DIP2A: variants seen among roughly 807,000 people sequenced by gnomAD.
DIP2A encodes the protein DIP2 acetate--CoA ligase A.
A neutral mutation model predicts 177.4 loss-of-function variants in DIP2A; 85 were observed. The ratio of observed to expected loss-of-function variants is 0.48; its 90% CI spans 0.40 to 0.57. DIP2A has a LOEUF of 0.57. Ranked by LOEUF, DIP2A falls within the 20% of genes least tolerant of loss-of-function variation. DIP2A has a pLI of 0.00. For missense variants in DIP2A, 1,791 were observed against 2,100.2 expected, an observed-to-expected ratio of 0.85 and a Z score of 2.88; for synonymous variants, 886 against 881.8, an observed-to-expected ratio of 1.00 and a Z score of -0.08.
At chr21:46,548,289 G>T (rs951798863) in intron 21 of DIP2A, among the ~76,000 whole-genome samples, 1 of 152,136 alleles carries the variant, frequency 6.6e-6, no homozygotes, top group Non-Finnish European at 1.5e-5. Context: ...GGGACACATT[G>T]GGCAGGTGTC....
intron 1 of DIP2A, among the ~76,000 whole-genome samples, chr21:46,468,965 T>G (rs2055111751): frequency 6.6e-6 from 1 of 152,226 alleles, no homozygotes; most frequent in Non-Finnish European, 1.5e-5. Flanking sequence ...ACCGCTTAAG[T>G]TTAAACTTCA....
intron 8 of DIP2A, among the ~76,000 whole-genome samples, chr21:46,517,827 G>T (rs1285385139): frequency 6.6e-6 from 1 of 152,196 alleles, no homozygotes; most frequent in Non-Finnish European, 1.5e-5. Context: ...CCCCCGTGGG[G>T]GCTGGAATCC....
intron 20 of DIP2A, chr21:46,546,303 G>T: frequency 1.9e-6 from 2 of 1,070,580 alleles, no homozygotes; most frequent in Non-Finnish European, 2.3e-6. Flanking sequence ...GCTTCTATTT[G>T]TAACATCTTG....
chr21:46,538,754 T>C, intron 16 of DIP2A, 152 bp downstream of exon 16: 1 of 1,173,480 alleles, frequency 8.5e-7, no homozygotes, highest in South Asian at 1.6e-5. Context: ...CGGAACATCT[T>C]GGTGATTCAC....
chr21:46,492,712 C>T (rs2057086729), intron 3 of DIP2A, among the ~76,000 whole-genome samples: 1 of 152,150 alleles, frequency 6.6e-6, no homozygotes, highest in African/African-American at 2.4e-5. Context: ...CCTGTAATCC[C>T]AGCACTTTGG....
intron 25 of DIP2A, 46 bp from the exon 26 acceptor site, chr21:46,554,123 C>T (rs763744333): frequency 3.8e-6 from 6 of 1,592,838 alleles, no homozygotes; most frequent in South Asian, 3.4e-5. Flanking sequence ...GAACAGCCCA[C>T]CTGCACGCAC....
chr21:46,468,126 C>G (rs2055007301), intron 1 of DIP2A, among the ~76,000 whole-genome samples: 2 of 151,864 alleles, frequency 1.3e-5, no homozygotes, highest in South Asian at 4.2e-4. Flanking sequence ...ATTAGCCTGG[C>G]ATGGGGGCAA....
At chr21:46,564,875 A>G (rs1242315811) in intron 35 of DIP2A, among the ~76,000 whole-genome samples, 3 of 152,156 alleles carry the variant, frequency 2.0e-5, no homozygotes, top group African/African-American at 4.8e-5. Context: ...CAACCGTCCC[A>G]CTTCCTGCAC....
chr21:46,531,482 A>G (rs1215174806), intron 9 of DIP2A, among the ~76,000 whole-genome samples: 1 of 152,256 alleles, frequency 6.6e-6, no homozygotes, highest in Non-Finnish European at 1.5e-5. Context: ...TGTTGTGCTC[A>G]TAGATGAGAT....
At chr21:46,544,194 C>T (rs2059936320) in intron 18 of DIP2A, among the ~76,000 whole-genome samples, 1 of 151,926 alleles carries the variant, frequency 6.6e-6, no homozygotes, top group Admixed American at 6.6e-5. Context: ...CAGCAGGTCA[C>T]CGAGAGTTGG....
intron 1 of DIP2A, among the ~76,000 whole-genome samples, chr21:46,476,117 G>A (rs1192527351): frequency 3.3e-5 from 5 of 151,520 alleles, no homozygotes; most frequent in Non-Finnish European, 7.4e-5. Context: ...ATGGTGGTGG[G>A]CACCTGTAGT....
chr21:46,519,146 C>T (rs1241463560), intron 8 of DIP2A, among the ~76,000 whole-genome samples: 1 of 152,160 alleles, frequency 6.6e-6, no homozygotes, highest in Non-Finnish European at 1.5e-5. Flanking sequence ...TGTCTTTTAG[C>T]ATGCCAATCA....
intron 7 of DIP2A, among the ~76,000 whole-genome samples, chr21:46,510,828 T>C (rs1425851966): frequency 6.6e-6 from 1 of 151,922 alleles, no homozygotes; most frequent in African/African-American, 2.4e-5. Flanking sequence ...AGAGACAGGG[T>C]TTCACCATGT....
the DIP2A span, among the ~76,000 whole-genome samples, chr21:46,581,857 G>A: frequency 6.6e-6 from 1 of 152,140 alleles, no homozygotes; most frequent in African/African-American, 2.4e-5. Context: ...CCTGATGCTG[G>A]TGGGAACGCT....
chr21:46,541,015 CAAAAA>C (rs532906368), intron 17 of DIP2A, among the ~76,000 whole-genome samples: 3 of 71,904 alleles, frequency 4.2e-5, no homozygotes, highest in Non-Finnish European at 6.3e-5. Flanking sequence ...AACTCTGTGT[CAAAAA>C]AAAAAAAAAA....
At chr21:46,494,143 A>T (rs1016734700) in intron 3 of DIP2A, among the ~76,000 whole-genome samples, 4 of 152,196 alleles carry the variant, frequency 2.6e-5, no homozygotes, top group African/African-American at 9.7e-5. Context: ...TATTCAGCCA[A>T]TGTTCATATG....
intron 8 of DIP2A, among the ~76,000 whole-genome samples, chr21:46,527,840 G>C (rs2059167776): frequency 6.6e-6 from 1 of 151,950 alleles, no homozygotes; most frequent in Non-Finnish European, 1.5e-5. Flanking sequence ...GGGTGTTAAG[G>C]CTCCTTCAAG....
In DIP2A at chr21:46,534,001, CAG is replaced by C; in HGVS notation, c.1430-2_1430-1del. ...TGTTCTGTGTCCTGTCTGTGTGTCACAGGTTGGCCCCCGCTCTCCTGGCTAGT... is the reference window on the plus strand; with the variant it reads ...TGTTCTGTGTCCTGTCTGTGTGTCACGTTGGCCCCCGCTCTCCTGGCTAGT... On this transcript the variant is annotated splice_acceptor_variant, in intron 11 of 37. Coordinates refer to ENST00000417564, the MANE Select transcript of DIP2A (RefSeq NM_015151.4). LOFTEE classifies it high-confidence loss of function. 3 of 1,612,024 alleles carry C rather than the reference CAG, an allele frequency of 1.9e-6. No homozygotes were observed. The highest frequency in any genetic ancestry group is 2.5e-6 in the Non-Finnish European group (3 of 1,178,922).
intron 1 of DIP2A, among the ~76,000 whole-genome samples, chr21:46,474,073 C>T (rs1411679700): frequency 6.6e-6 from 1 of 152,062 alleles, no homozygotes; most frequent in Non-Finnish European, 1.5e-5. Flanking sequence ...TTTTGCTGGT[C>T]TGGACAGAGC....
Sources: allele counts gnomAD v4.1 joint callset (sites outside exome capture counted in the v4.1 genomes callset), GRCh38; gene constraint gnomAD v4.1.1; transcripts MANE v1.5; gene names NCBI Gene and HGNC (gene_info 2026-07-23, HGNC 2026-07-21).